Variants in ACKR3 observed in about 807,000 individuals in gnomAD.
ACKR3 encodes the protein atypical chemokine receptor 3.
In ACKR3, 6 loss-of-function variants were observed where a neutral mutation model predicts 22.4. The observed-to-expected ratio is 0.27, with a 90% confidence interval of 0.15 to 0.53. The LOEUF is 0.53. Among genes scored for constraint, ACKR3 ranks in the 20% least tolerant of loss-of-function variants. The probability of loss-of-function intolerance (pLI) is 0.96; values close to 1 mark genes in which losing one functional copy is unlikely to be tolerated. For synonymous variants in ACKR3, 209 were observed against 205.2 expected (o/e 1.02, Z -0.16); for missense variants, 396 against 475.2 (o/e 0.83, Z 1.55).
the ACKR3 span, among the ~76,000 whole-genome samples, chr2:236,547,668 A>G: frequency 6.6e-6 from 1 of 152,190 alleles, no homozygotes; most frequent in Non-Finnish European, 1.5e-5. Flanking sequence ...TGGGCTTACA[A>G]TTCTAGATTG....
the ACKR3 span, among the ~76,000 whole-genome samples, chr2:236,558,081 G>A: frequency 1.3e-5 from 2 of 152,176 alleles, no homozygotes; most frequent in African/African-American, 4.8e-5. Flanking sequence ...AGACACGCTC[G>A]GGATAGTTGT....
chr2:236,548,996 A>G, the ACKR3 span, among the ~76,000 whole-genome samples: 3 of 152,214 alleles, frequency 2.0e-5, no homozygotes, highest in East Asian at 1.9e-4. This position sits in a 1 kb window ranked among gnomAD's most constrained non-coding sequence, Gnocchi z 4.3. Context: ...GAAAATTGGC[A>G]TAGTTTAATT....
rs755913112 is a variant in ACKR3 at position 236,581,456 on chromosome 2, A to C, written c.991A>C (p.Ile331Leu). 2 of 1,614,086 alleles carry C rather than the reference A, an allele frequency of 1.2e-6. No individual in the cohort carries two copies. Among genetic ancestry groups the C allele is most frequent in the Non-Finnish European group, 1.7e-6 (2 of 1,180,020 alleles). Residue 331 changes from isoleucine (I) to leucine (L), a missense_variant, in exon 2 of 2, where the codon ATC becomes CTC. Transcript: ENST00000272928. This position sits in a 1 kb window ranked among gnomAD's most constrained non-coding sequence, Gnocchi z 4.4. ...NYRYELMKAFIFKYSAKTGLT... is the reference protein window; with the variant it reads ...NYRYELMKAFLFKYSAKTGLT... ...CAGGTACGAGCTGATGAAGGCCTTC[A>C]TCTTCAAGTACTCGGCCAAAACAGG...
chr2:236,549,831 G>T, the ACKR3 span, among the ~76,000 whole-genome samples: 1 of 152,132 alleles, frequency 6.6e-6, no homozygotes, highest in Non-Finnish European at 1.5e-5. The surrounding 1 kb of genome is among the most constrained non-coding windows in gnomAD (Gnocchi z 5.3). Context: ...ATCTGTTTTG[G>T]GTTTGGCAGA....
chr2:236,580,547 G>C lies in ACKR3; in HGVS notation c.82G>C (p.Val28Leu). ...SWPCNSSDCI[V>L]VDTVMCPNMP... Reference sequence around the variant, plus strand: ...GCCATGCAACAGCAGCGACTGCATCGTGGTGGACACGGTGATGTGTCCCAA... The same window carrying C: ...GCCATGCAACAGCAGCGACTGCATCCTGGTGGACACGGTGATGTGTCCCAA... Residue 28 changes from valine (V) to leucine (L), a missense_variant, in exon 2 of 2, where the codon GTG becomes CTG. By Grantham distance (32) the Val-to-Leu change is conservative. Transcript: ENST00000272928. 1.9e-6 allele frequency: 3 copies of C among 1,614,214 alleles called. No individual in the cohort carries two copies. Among genetic ancestry groups the C allele is most frequent in the South Asian group, 1.1e-5 (1 of 91,072 alleles).
the ACKR3 span, among the ~76,000 whole-genome samples, chr2:236,541,937 G>A: frequency 4.1e-4 from 61 of 149,192 alleles, no homozygotes; most frequent in African/African-American, 1.6e-3. Context: ...GTGGAACTGT[G>A]AGTCTATTAA....
chr2:236,544,282 C>A, the ACKR3 span, among the ~76,000 whole-genome samples: 1 of 152,030 alleles, frequency 6.6e-6, no homozygotes, highest in East Asian at 1.9e-4. This position sits in a 1 kb window ranked among gnomAD's most constrained non-coding sequence, Gnocchi z 5.0. Context: ...GCCACCGCGC[C>A]CGGAGGGGTT....
the ACKR3 span, among the ~76,000 whole-genome samples, chr2:236,539,358 G>C: frequency 6.8e-6 from 1 of 146,266 alleles, no homozygotes; most frequent in Non-Finnish European, 1.5e-5. Flanking sequence ...TGTCACCCAG[G>C]CTGGAGTGCA....
the ACKR3 span, among the ~76,000 whole-genome samples, chr2:236,557,254 G>A: frequency 7.9e-6 from 1 of 126,458 alleles, no homozygotes; most frequent in Non-Finnish European, 1.7e-5. Flanking sequence ...TCATGTGAAC[G>A]TATGTGTGTG....
chr2:236,554,939 T>G, the ACKR3 span, among the ~76,000 whole-genome samples: 5 of 152,016 alleles, frequency 3.3e-5, no homozygotes, highest in Admixed American at 6.6e-5. Flanking sequence ...AGCATCAGAG[T>G]AGGGGTTCAC....
At chr2:236,578,535 C>T (rs946665085) in intron 1 of ACKR3, among the ~76,000 whole-genome samples, 2 of 152,204 alleles carry the variant, frequency 1.3e-5, no homozygotes, top group African/African-American at 4.8e-5. Context: ...GAGGCCCAGC[C>T]CTTTCTGTCA....
At chr2:236,549,695 G>T in the ACKR3 span, among the ~76,000 whole-genome samples, 1 of 152,182 alleles carries the variant, frequency 6.6e-6, no homozygotes. This position sits in a 1 kb window ranked among gnomAD's most constrained non-coding sequence, Gnocchi z 5.3. Flanking sequence ...TGTGTGGTCC[G>T]TGTCCCACCC....
chr2:236,569,574 G>T (rs533188934), upstream of ACKR3: 1 of 152,242 alleles, frequency 6.6e-6, no homozygotes, highest in South Asian at 2.1e-4. Context: ...TTTTCCCCCC[G>T]TGGGGTTTGG....
chr2:236,562,565 T>C, the ACKR3 span, among the ~76,000 whole-genome samples: 3 of 152,222 alleles, frequency 2.0e-5, no homozygotes, highest in Non-Finnish European at 2.9e-5. Flanking sequence ...TGTTCAACTT[T>C]AGTGAATACT....
chr2:236,541,584 G>A, the ACKR3 span, among the ~76,000 whole-genome samples: 8 of 152,146 alleles, frequency 5.3e-5, no homozygotes, highest in African/African-American at 7.2e-5. Flanking sequence ...CTGCTGCTCC[G>A]TGTTTTGTTT....
chr2:236,560,799 T>A, the ACKR3 span, among the ~76,000 whole-genome samples: 4 of 152,190 alleles, frequency 2.6e-5, no homozygotes, highest in African/African-American at 7.2e-5. Flanking sequence ...CAGCTTCAGA[T>A]CTGGGTATTT....
chr2:236,537,764 C>T, the ACKR3 span, among the ~76,000 whole-genome samples: 1 of 152,144 alleles, frequency 6.6e-6, no homozygotes, highest in East Asian at 1.9e-4. Context: ...AAAATGTGTC[C>T]CAGCTTCATC....
chr2:236,540,796 C>G, the ACKR3 span, among the ~76,000 whole-genome samples: 1 of 152,186 alleles, frequency 6.6e-6, no homozygotes, highest in Non-Finnish European at 1.5e-5. Flanking sequence ...GGAAATTGAT[C>G]AATCATGTAT....
At chr2:236,580,330 C>A in intron 1 of ACKR3, 110 bp from the exon 2 acceptor site, 1 of 1,159,834 alleles carries the variant, frequency 8.6e-7, no homozygotes, top group Non-Finnish European at 1.2e-6. Flanking sequence ...TAAACCCAAA[C>A]AGCTGAGCCT....
Sources: allele counts gnomAD v4.1 joint callset (sites outside exome capture counted in the v4.1 genomes callset), GRCh38; gene constraint gnomAD v4.1.1; non-coding constraint Gnocchi (gnomAD v3.1); transcripts MANE v1.5; gene names NCBI Gene and HGNC (gene_info 2026-07-23, HGNC 2026-07-21).